The following DAGLA variants were observed in gnomAD, a reference collection of about 807,000 sequenced individuals.
DAGLA encodes diacylglycerol lipase alpha, also known as diacylglycerol lipase-alpha.
Under a neutral mutation model 102.6 loss-of-function variants are expected in DAGLA, and 22 were observed. The observed-to-expected ratio is 0.21, with a 90% CI of 0.15 to 0.31. The LOEUF is 0.31. Ranked by LOEUF, DAGLA falls within the 10% of genes least tolerant of loss-of-function variation. DAGLA has a pLI of 1.00. For missense variants in DAGLA, 927 were observed against 1,446.6 expected (o/e 0.64, Z 5.83); for synonymous variants, 578 against 628.9 (o/e 0.92, Z 1.21).
chr11:61,716,043 G>T (rs916195274), intron 1 of DAGLA, among the ~76,000 whole-genome samples: 2 of 152,208 alleles, frequency 1.3e-5, no homozygotes, highest in African/African-American at 4.8e-5. Context: ...GAAGGGAAGG[G>T]TGTGAGCTCA....
intron 19 of DAGLA, among the ~76,000 whole-genome samples, chr11:61,742,675 C>T (rs1032163815): frequency 1.3e-5 from 2 of 152,114 alleles, no homozygotes; most frequent in Admixed American, 1.3e-4. Flanking sequence ...GGAGTGGCAC[C>T]CAGGGTTGCT....
intron 3 of DAGLA, 111 bp downstream of exon 3, chr11:61,721,001 G>C: frequency 9.6e-7 from 1 of 1,042,840 alleles, no homozygotes; most frequent in East Asian, 2.6e-5. Context: ...TTAGCACTGG[G>C]GTACAGCAGT....
intron 10 of DAGLA, 127 bp from the exon 11 acceptor site, chr11:61,735,434 C>T (rs2065414834): frequency 1.2e-6 from 1 of 807,756 alleles, no homozygotes; most frequent in Non-Finnish European, 2.0e-6. Flanking sequence ...GTCAGCCTTT[C>T]TGGCGGCAGA....
chr11:61,719,506 G>T (rs2065265046), intron 1 of DAGLA, among the ~76,000 whole-genome samples: 1 of 152,248 alleles, frequency 6.6e-6, no homozygotes, highest in Non-Finnish European at 1.5e-5. Flanking sequence ...TTCCAGCAAA[G>T]CAGGAAACTG....
At chr11:61,705,329 C>T (rs939440166) in intron 1 of DAGLA, among the ~76,000 whole-genome samples, 16 of 152,198 alleles carry the variant, frequency 1.1e-4, no homozygotes. Context: ...ACCCTCGCAC[C>T]CACCTTGGCT....
At position 61,746,601 on chromosome 11, in the gene DAGLA, T is replaced by G. The variant is rs1254771003; in HGVS notation, c.*2112T>G. 6.6e-6 allele frequency: 1 copy of G among 152,558 alleles called. No homozygotes were observed. The highest frequency in any genetic ancestry group is 1.5e-5 in the Non-Finnish European group (1 of 68,086). 9.5% of individuals were successfully genotyped at this position (152,558 alleles called of 1,614,324 possible). A position where few individuals can be genotyped will look rare whatever the true frequency, so the allele number is the denominator to read the frequency against. On this transcript the variant is annotated 3_prime_UTR_variant, in exon 20 of 20. Coordinates refer to ENST00000257215, the MANE Select transcript of DAGLA (RefSeq NM_006133.3). ...AGGGGCAGCCCACCCCTAACCTGGC[T>G]CCTACCCACCTCGCCCTTGAAGGAT... is the stretch of plus-strand genomic sequence containing the variant.
At chr11:61,739,875 A>G (rs963379258) in intron 17 of DAGLA, among the ~76,000 whole-genome samples, 1 of 152,160 alleles carries the variant, frequency 6.6e-6, no homozygotes, top group Non-Finnish European at 1.5e-5. Context: ...GTCTCTCTCC[A>G]TAGTCTGGCT....
In DAGLA at chr11:61,743,640, G is replaced by A. The variant is rs769924430; in HGVS notation, c.2280G>A (p.Leu760=). ...ARQDPVELLL[L]STQERLAAEL... is the part of the protein sequence containing the mutation. ...AGGACCCGGTGGAGCTGCTGCTGCT[G>A]TCTACCCAGGAGCGGCTGGCGGCGG... Residue 760 remains leucine, a synonymous_variant, in exon 20 of 20, where the codon CTG becomes CTA. Transcript: ENST00000257215. 3.8e-6 allele frequency: 6 copies of A among 1,599,068 alleles called. No homozygotes were observed. The African/African-American group carries it at 6.7e-5, about 18-fold the overall frequency.
At position 61,743,771 on chromosome 11, in the gene DAGLA, G is replaced by A. The variant is rs1417305178; in HGVS notation, c.2411G>A (p.Arg804Gln). Residue 804 changes from arginine (R) to glutamine (Q), a missense_variant, in exon 20 of 20, where the codon CGG becomes CAG. Around this residue, in one of 4 missense-constraint regions of DAGLA, gnomAD observed 434 missense variants for 503.3 expected, o/e 0.86. Transcript: ENST00000257215. Reference protein sequence around the residue: ...SRRSSGFRSIRGSPSLHAVLE... With the variant: ...SRRSSGFRSIQGSPSLHAVLE... Reference sequence around the variant, plus strand: ...CGCTCCTCAGGCTTCCGCAGCATCCGGGGCTCCCCCAGCCTCCACGCTGTG... The same window carrying A: ...CGCTCCTCAGGCTTCCGCAGCATCCAGGGCTCCCCCAGCCTCCACGCTGTG... 1.9e-6 allele frequency: 3 copies of A among 1,612,448 alleles called. No homozygotes were observed. The highest frequency in any genetic ancestry group is 2.5e-6 in the Non-Finnish European group (3 of 1,179,906).
rs538659144 is a variant in DAGLA, at chr11:61,731,305, C to G, written c.850-12C>G. On this transcript the variant is annotated splice_polypyrimidine_tract_variant and intron_variant, in intron 8 of 19. Coordinates refer to ENST00000257215, the MANE Select transcript of DAGLA (RefSeq NM_006133.3). ...GGCAGGAGGTGACCGCCCTCTGCCTCCTCTCTTCTAGCAAGAGATGCTCCG... is the reference window on the plus strand; with the variant it reads ...GGCAGGAGGTGACCGCCCTCTGCCTGCTCTCTTCTAGCAAGAGATGCTCCG... 1.9e-6 allele frequency: 3 copies of G among 1,613,374 alleles called. No homozygotes were observed. In the East Asian group the frequency reaches 6.7e-5, roughly 36 times the overall value.
Position 61,744,442 on chromosome 11 carries a change from G to A in DAGLA, c.3082G>A (p.Gly1028Arg), listed in dbSNP as rs372760230. The A allele has an allele frequency of 1.4e-5, 23 of 1,596,326 alleles. No individual in the cohort carries two copies. Among genetic ancestry groups the A allele is most frequent in the African/African-American group, 4.0e-5 (3 of 74,502 alleles). The change falls in exon 20 of 20, where the codon GGA (glycine) becomes AGA (arginine). Residue 1028 changes from glycine to arginine, a missense_variant. Gly to Arg is a moderately radical substitution (Grantham distance 125). This residue lies in a region of DAGLA where 434 missense variants were observed against 503.3 expected (regional missense o/e 0.86). Coordinates refer to ENST00000257215, the MANE Select transcript of DAGLA (RefSeq NM_006133.3). ...KIRTSTPTGH[G>R]ASPAKQDELV... The stretch of plus-strand genomic sequence containing the variant: ...CCGGACTTCTACCCCCACTGGCCAC[G>A]GAGCCAGCCCCGCCAAGCAAGATGA...
intron 19 of DAGLA, 88 bp downstream of exon 19, chr11:61,741,437 C>A: frequency 7.1e-7 from 1 of 1,413,236 alleles, no homozygotes; most frequent in Non-Finnish European, 9.5e-7. Flanking sequence ...TGTGCATGCA[C>A]TGGGCTCAGC....
At chr11:61,704,034 T>C (rs2065130666) in intron 1 of DAGLA, among the ~76,000 whole-genome samples, 1 of 152,176 alleles carries the variant, frequency 6.6e-6, no homozygotes, top group Non-Finnish European at 1.5e-5. Context: ...GGCCTCTCTG[T>C]GCTGCATTCC....
chr11:61,715,096 T>C (rs2065226132), intron 1 of DAGLA, among the ~76,000 whole-genome samples: 1 of 152,184 alleles, frequency 6.6e-6, no homozygotes, highest in Non-Finnish European at 1.5e-5. Flanking sequence ...ACACAGCCAG[T>C]AAGTGGCAGA....
intron 18 of DAGLA, 34 bp downstream of exon 18, chr11:61,740,626 A>G (rs751708591): frequency 1.9e-6 from 3 of 1,607,198 alleles, no homozygotes; most frequent in Non-Finnish European, 2.6e-6. Flanking sequence ...CCACCAGGGA[A>G]TAAGGCACTG....
At chr11:61,724,007 GACTTGCCTGAGGTT>G (rs1479723418) in intron 5 of DAGLA, among the ~76,000 whole-genome samples, 1 of 152,188 alleles carries the variant, frequency 6.6e-6, no homozygotes, top group African/African-American at 2.4e-5. Flanking sequence ...GAGATGATGG[GACTTGCCTGAGGTT>G]ACACAGCTAG....
chr11:61,720,037 G>T, intron 1 of DAGLA, 75 bp from the exon 2 acceptor site: 1 of 1,020,356 alleles, frequency 9.8e-7, no homozygotes, highest in Non-Finnish European at 1.5e-6. Context: ...GACTGGTCCC[G>T]TGGCCCAAGG....
At chr11:61,700,507 G>A (rs141252626) in intron 1 of DAGLA, among the ~76,000 whole-genome samples, 108 of 152,292 alleles carry the variant, frequency 7.1e-4, no homozygotes, top group African/African-American at 2.4e-3. Context: ...GCCTGCAAGC[G>A]TCCTTTTCTG....
chr11:61,738,312 G>T, intron 16 of DAGLA, 105 bp downstream of exon 16: 1 of 926,238 alleles, frequency 1.1e-6, no homozygotes, highest in Non-Finnish European at 1.7e-6. Context: ...TGCCATGGAA[G>T]GCCAGGGCAG....
Sources: allele counts gnomAD v4.1 joint callset (sites outside exome capture counted in the v4.1 genomes callset), GRCh38; gene constraint gnomAD v4.1.1; regional missense constraint gnomAD v4.1.1; transcripts MANE v1.5; gene names NCBI Gene and HGNC (gene_info 2026-07-23, HGNC 2026-07-21).